The following ITPR1 variants were observed in gnomAD, a reference collection of about 807,000 sequenced individuals.
The protein encoded by ITPR1 is inositol 1,4,5-trisphosphate-gated calcium channel ITPR1.
ITPR1 carries 96 observed loss-of-function variants against 318.4 expected under a neutral mutation model. That is an observed-to-expected ratio of 0.30 (90% CI 0.26 to 0.36). The LOEUF is 0.36. ITPR1 is among the 10% of genes least tolerant of loss of function. ITPR1 has a pLI of 1.00. For synonymous variants in ITPR1, 1,312 were observed against 1,289.9 expected (o/e 1.02, Z -0.37); for missense variants, 2,440 against 3,460.2 (o/e 0.71, Z 7.40).
intron 46 of ITPR1, among the ~76,000 whole-genome samples, 176 bp downstream of exon 46, chr3:4,768,940 C>T (rs1160229760): frequency 3.3e-5 from 5 of 150,218 alleles, no homozygotes; most frequent in East Asian, 2.0e-4. Flanking sequence ...GATGGAGTCT[C>T]GCTCTGTCAC....
At chr3:4,699,696 G>T in intron 34 of ITPR1, 117 bp from the exon 35 acceptor site, 1 of 857,498 alleles carries the variant, frequency 1.2e-6, no homozygotes, top group South Asian at 2.0e-5. Context: ...GAGAAATATT[G>T]GCCAGCAGGC....
chr3:4,550,177 G>A (rs748807644), intron 4 of ITPR1, among the ~76,000 whole-genome samples: 1 of 149,218 alleles, frequency 6.7e-6, no homozygotes, highest in Admixed American at 6.6e-5. Context: ...TTAATTTCTG[G>A]CTATTAAAAG....
At chr3:4,714,473 T>C (rs1268414768) in intron 39 of ITPR1, among the ~76,000 whole-genome samples, 1 of 152,182 alleles carries the variant, frequency 6.6e-6, no homozygotes, top group African/African-American at 2.4e-5. Flanking sequence ...GGAGGGGCCC[T>C]GGCATGGCTT....
At chr3:4,704,594 A>C (rs979902244) in intron 36 of ITPR1, among the ~76,000 whole-genome samples, 10 of 152,208 alleles carry the variant, frequency 6.6e-5, no homozygotes, top group African/African-American at 2.4e-4. Flanking sequence ...GTTGAGGCCA[A>C]AGGAAACGTA....
intron 30 of ITPR1, among the ~76,000 whole-genome samples, chr3:4,687,402 C>A (rs1039352881): frequency 6.6e-6 from 1 of 152,152 alleles, no homozygotes; most frequent in African/African-American, 2.4e-5. Flanking sequence ...CTCCTTTTCA[C>A]GGATGAGTAA....
At chr3:4,831,572 A>C (rs1294047511) in intron 60 of ITPR1, among the ~76,000 whole-genome samples, 1 of 152,090 alleles carries the variant, frequency 6.6e-6, no homozygotes, top group Non-Finnish European at 1.5e-5. Flanking sequence ...CCAACCGCAT[A>C]TACACACACA....
At chr3:4,660,617 C>T (rs1477147118) in intron 13 of ITPR1, among the ~76,000 whole-genome samples, 4 of 152,024 alleles carry the variant, frequency 2.6e-5, no homozygotes, top group East Asian at 1.9e-4. Context: ...TTTCACTGAT[C>T]CCTATGAAAA....
intron 44 of ITPR1, among the ~76,000 whole-genome samples, chr3:4,755,184 T>G (rs1015474524): frequency 6.6e-6 from 1 of 151,626 alleles, no homozygotes; most frequent in Non-Finnish European, 1.5e-5. Context: ...TTTTTTTTTT[T>G]TTTTTTAGGA....
At chr3:4,524,267 G>A (rs1318980076) in intron 4 of ITPR1, among the ~76,000 whole-genome samples, 1 of 135,152 alleles carries the variant, frequency 7.4e-6, no homozygotes, top group Non-Finnish European at 1.6e-5. Context: ...ATTTTCCAAA[G>A]CATTCCTTCA....
At position 4,642,176 on chromosome 3, in the gene ITPR1, A is replaced by G. The variant is rs2093352874; in HGVS notation, c.450A>G (p.Thr150=). ...TGGAGAAGAATGCCATGAGAGTCAC[A>G]TTGGACGAGGCTGGAAATGAAGGGT... is the stretch of plus-strand genomic sequence containing the variant. The part of the protein sequence containing the change: ...ALLEKNAMRV[T]LDEAGNEGSW... Residue 150 remains threonine (T), a synonymous_variant, in exon 7 of 62, where the codon ACA becomes ACG. Coordinates refer to ENST00000649015, the MANE Select transcript of ITPR1 (RefSeq NM_001378452.1). 6.2e-7 allele frequency: 1 copy of G among 1,610,124 alleles called. No homozygotes were observed. The highest frequency in any genetic ancestry group is 1.7e-5 in the Admixed American group (1 of 59,572).
intron 17 of ITPR1, among the ~76,000 whole-genome samples, chr3:4,666,683 A>G (rs2093954384): frequency 6.6e-6 from 1 of 152,226 alleles, no homozygotes; most frequent in Non-Finnish European, 1.5e-5. Flanking sequence ...AGCAAGTTTC[A>G]AGGGCCACTT....
intron 4 of ITPR1, among the ~76,000 whole-genome samples, chr3:4,595,512 A>C (rs753543021): frequency 6.6e-6 from 1 of 152,250 alleles, no homozygotes; most frequent in Non-Finnish European, 1.5e-5. Context: ...ACAATTCCAC[A>C]TGAGATTTGG....
chr3:4,552,859 A>G (rs923401242), intron 4 of ITPR1, among the ~76,000 whole-genome samples: 3 of 152,138 alleles, frequency 2.0e-5, no homozygotes, highest in Non-Finnish European at 4.4e-5. Flanking sequence ...AAAAGACATC[A>G]CTTTGGCATT....
chr3:4,835,543 C>T (rs2050839957), intron 60 of ITPR1, among the ~76,000 whole-genome samples: 1 of 151,902 alleles, frequency 6.6e-6, no homozygotes, highest in Admixed American at 6.6e-5. Context: ...CACAAAGCAA[C>T]AATTATCCAG....
At chr3:4,841,982 A>C (rs946915434) in intron 61 of ITPR1, among the ~76,000 whole-genome samples, 1 of 152,222 alleles carries the variant, frequency 6.6e-6, no homozygotes, top group Non-Finnish European at 1.5e-5. Flanking sequence ...AGCTGTTTAG[A>C]ATCTGAGTAA....
At chr3:4,757,765 C>T (rs184075621) in intron 44 of ITPR1, among the ~76,000 whole-genome samples, 25 of 152,272 alleles carry the variant, frequency 1.6e-4, no homozygotes, top group Admixed American at 3.9e-4. Context: ...AAATCGGAAA[C>T]GTTCAGTTGC....
In ITPR1 at chr3:4,647,648, T is replaced by C. The variant is rs774681529; in HGVS notation, c.855+1920T>C. On this transcript the variant is annotated intron_variant, in intron 10 of 61. Coordinates refer to ENST00000649015, the MANE Select transcript of ITPR1 (RefSeq NM_001378452.1). ...AATGTTACTCGTTCTAGTAGGTACA[T>C]AGTGAAATTTCAATGTGGGTTGGAT... Among the ~76,000 whole-genome samples, 57 of 152,358 alleles carry C rather than the reference T, an allele frequency of 3.7e-4. 1 individual carries two copies. Among genetic ancestry groups the C allele is most frequent in the Middle Eastern group, 6.8e-3 (2 of 294 alleles).
At chr3:4,777,943 G>C (rs528049534) in intron 48 of ITPR1, among the ~76,000 whole-genome samples, 11 of 152,316 alleles carry the variant, frequency 7.2e-5, no homozygotes, top group African/African-American at 2.6e-4. Flanking sequence ...GCGGGCCTCT[G>C]CTGAGTTTCT....
At chr3:4,789,850 C>A (rs1413292949) in intron 52 of ITPR1, among the ~76,000 whole-genome samples, 1 of 152,120 alleles carries the variant, frequency 6.6e-6, no homozygotes, top group Non-Finnish European at 1.5e-5. Flanking sequence ...AAACTCCTGA[C>A]CTTGTGATCC....
Sources: allele counts gnomAD v4.1 joint callset (sites outside exome capture counted in the v4.1 genomes callset), GRCh38; gene constraint gnomAD v4.1.1; transcripts MANE v1.5; gene names NCBI Gene and HGNC (gene_info 2026-07-23, HGNC 2026-07-21).